The following CRIPT variants were observed in gnomAD, a reference collection of about 807,000 sequenced individuals.
CRIPT encodes CXXC repeat containing interactor of PDZ3 domain.
Under a neutral mutation model 16.6 loss-of-function variants are expected in CRIPT, and 20 were observed. The observed-to-expected ratio is 1.20, with a 90% CI of 0.85 to 1.75. The LOEUF (loss-of-function observed/expected upper bound fraction) is 1.75, where lower values mean the gene tolerates loss of function less well. Ranked by LOEUF, CRIPT falls within the 40% of genes most tolerant of loss-of-function variation. The pLI is 0.00. For synonymous variants in CRIPT, 42 were observed against 37.0 expected, an observed-to-expected ratio of 1.14 and a Z score of -0.49; for missense variants, 133 against 115.3, an observed-to-expected ratio of 1.15 and a Z score of -0.70.
chr2:46,620,099 G>A (rs187939239), intron 3 of CRIPT, among the ~76,000 whole-genome samples: 3 of 152,200 alleles, frequency 2.0e-5, no homozygotes, highest in South Asian at 2.1e-4. Context: ...TGAGAATTGC[G>A]TAAAAAGTGT....
At chr2:46,618,686 T>C (rs1670730271) in intron 1 of CRIPT, 87 bp from the exon 2 acceptor site, 1 of 780,084 alleles carries the variant, frequency 1.3e-6, no homozygotes, top group Non-Finnish European at 2.1e-6. Flanking sequence ...CCATTGATAG[T>C]CGATACCATT....
In CRIPT at chr2:46,617,226, G is replaced by C; in HGVS notation, c.-57G>C. On this transcript the variant is annotated 5_prime_UTR_variant, in exon 1 of 5. Transcript: ENST00000238892. ...AATACTTCCAAGTTGTAGTGTTGTT[G>C]TTTTCAGCCTGCTGCTGCTGCTGCT... 1 of 1,551,256 alleles carries C rather than the reference G, an allele frequency of 6.4e-7. No individual in the cohort carries two copies. The highest frequency in any genetic ancestry group is 8.7e-7 in the Non-Finnish European group (1 of 1,146,924).
In CRIPT at chr2:46,619,627, A is replaced by G. The variant is rs1670756043; in HGVS notation, c.83A>G (p.Glu28Gly). The change falls in exon 3 of 5, where the codon GAA (glutamate) becomes GGA (glycine). Residue 28 changes from glutamate (E) to glycine (G), a missense_variant and splice_region_variant. Transcript: ENST00000238892. ...TWKDGARNTTESGGRKLNENK... is the reference protein window; with the variant it reads ...TWKDGARNTTGSGGRKLNENK... ...TAAAATATCTTTTATTCTGATACAGAAAGTGGTGGAAGAAAGCTGAATGAA... is the reference window on the plus strand; with the variant it reads ...TAAAATATCTTTTATTCTGATACAGGAAGTGGTGGAAGAAAGCTGAATGAA... The G allele has an allele frequency of 1.2e-6, 2 of 1,607,574 alleles. No homozygotes were observed. Among genetic ancestry groups the G allele is most frequent in the East Asian group, 4.5e-5 (2 of 44,676 alleles).
At chr2:46,621,018 C>T (rs947353616) in intron 3 of CRIPT, among the ~76,000 whole-genome samples, 9 of 152,124 alleles carry the variant, frequency 5.9e-5, no homozygotes, top group African/African-American at 2.2e-4. Context: ...CCACCTGCTT[C>T]TGTACATCTC....
In CRIPT at chr2:46,625,019, A is replaced by AAAAG. The variant is rs1670899195; in HGVS notation, c.*796_*799dup. ...TTTTTTACCTCCTGTCTTGCCCCCT[A>AAAAG]AAAGAAATAAATAGAGCAAACATCT... On this transcript the variant is annotated 3_prime_UTR_variant, in exon 5 of 5. Coordinates refer to ENST00000238892, the MANE Select transcript of CRIPT (RefSeq NM_014171.6). 1 of 149,592 alleles carries AAAAG rather than the reference A, an allele frequency of 6.7e-6. No individual in the cohort carries two copies. The highest frequency in any genetic ancestry group is 2.5e-5 in the African/African-American group (1 of 40,234). The allele number at this position is 149,592 out of a possible 1,614,324, so 9.3% of individuals were successfully genotyped here. A position where few individuals can be genotyped will look rare whatever the true frequency, so the allele number is the denominator to read the frequency against.
At position 46,618,840 on chromosome 2, in the gene CRIPT, T is replaced by A; in HGVS notation, c.82+2T>A. 6.3e-7 allele frequency: 1 copy of A among 1,578,236 alleles called. No individual in the cohort carries two copies. The highest frequency in any genetic ancestry group is 8.7e-7 in the Non-Finnish European group (1 of 1,154,126). On this transcript the variant is annotated splice_donor_variant, in intron 2 of 4. Coordinates refer to ENST00000238892, the MANE Select transcript of CRIPT (RefSeq NM_014171.6). LOFTEE classifies it high-confidence loss of function. ...AAGATGGTGCTAGGAATACCACAGG[T>A]ATTTCTTCTTTTAGAAAATAGGAAT...
chr2:46,624,611 CT>C lies in CRIPT; in HGVS notation c.*385del, dbSNP rs1305998268. ...GGCATCCAGAGTTAACATTTCTCCC[CT>C]CACTCCCTTGCTGGTGTCATAGTTA... On this transcript the variant is annotated 3_prime_UTR_variant, in exon 5 of 5. Transcript: ENST00000238892. The C allele has an allele frequency of 6.5e-6, 1 of 154,616 alleles. No homozygotes were observed. Among genetic ancestry groups the C allele is most frequent in the African/African-American group, 2.4e-5 (1 of 41,538 alleles). The allele number at this position is 154,616 out of a possible 1,614,324, so 9.6% of individuals were successfully genotyped here. A position where few individuals can be genotyped will look rare whatever the true frequency, so the allele number is the denominator to read the frequency against.
At position 46,629,887 on chromosome 2, in the gene CRIPT, G is replaced by A. The variant is rs1287415290; in HGVS notation, c.*5660G>A. Among the ~76,000 whole-genome samples the A allele has an allele frequency of 3.3e-5, 5 of 152,074 alleles. No individual in the cohort carries two copies. The highest frequency in any genetic ancestry group is 9.7e-5 in the African/African-American group (4 of 41,392). The stretch of plus-strand genomic sequence containing the variant: ...CCTCCTAGGTTTAGCATCCTTTGAC[G>A]ATTCTTGTCTGAATAAATTTTTACT... On this transcript the variant is annotated 3_prime_UTR_variant, in exon 5 of 5. Transcript: ENST00000238892.
intron 1 of CRIPT, among the ~76,000 whole-genome samples, chr2:46,618,437 ATCACT>A (rs1670721346): frequency 6.6e-6 from 1 of 152,228 alleles, no homozygotes; most frequent in Admixed American, 6.5e-5. Context: ...TGTCTGATTC[ATCACT>A]TCATTTTTCT....
rs1161189931 is a variant in CRIPT at position 46,627,039 on chromosome 2, G to A, written c.*2812G>A. On this transcript the variant is annotated 3_prime_UTR_variant, in exon 5 of 5. Coordinates refer to ENST00000238892, the MANE Select transcript of CRIPT (RefSeq NM_014171.6). ...GTAGAGACAGGGTTTCACCATGTTG[G>A]CCAGCCTGGTCTCGAATTCCTGACC... 6.6e-6 allele frequency among the ~76,000 whole-genome samples: 1 copy of A among 152,140 alleles called. No individual in the cohort carries two copies. The highest frequency in any genetic ancestry group is 1.5e-5 in the Non-Finnish European group (1 of 68,028).
rs1289721976 is a variant in CRIPT, at chr2:46,624,488, C to G, written c.*261C>G. 3.7e-6 allele frequency: 1 copy of G among 267,570 alleles called. No homozygotes were observed. Among genetic ancestry groups the G allele is most frequent in the African/African-American group, 2.2e-5 (1 of 45,428 alleles). The allele number at this position is 267,570 out of a possible 1,614,324, so 16.6% of individuals were successfully genotyped here. On this transcript the variant is annotated 3_prime_UTR_variant, in exon 5 of 5. Coordinates refer to ENST00000238892, the MANE Select transcript of CRIPT (RefSeq NM_014171.6). ...AAAATATTTCTCAGTTCTGTATGCA[C>G]TTTTATTTAACATTATTCATATAAT...
Position 46,624,748 on chromosome 2 carries a change from C to T in CRIPT, c.*521C>T, listed in dbSNP as rs1185071906. 1 of 152,132 alleles carries T rather than the reference C, an allele frequency of 6.6e-6. No individual in the cohort carries two copies. Among genetic ancestry groups the T allele is most frequent in the African/African-American group, 2.4e-5 (1 of 41,430 alleles). 9.4% of individuals were successfully genotyped at this position (152,132 alleles called of 1,614,324 possible). On this transcript the variant is annotated 3_prime_UTR_variant, in exon 5 of 5. Transcript: ENST00000238892. ...ATTAACCTAGACCCAAATCAAAGAC[C>T]AGTTGGATTTATGATATTTTTTATT...
intron 4 of CRIPT, 116 bp from the exon 5 acceptor site, chr2:46,624,047 T>A (rs530360668): frequency 1.6e-4 from 77 of 472,294 alleles, no homozygotes; most frequent in African/African-American, 1.4e-3. Flanking sequence ...ATATATTTTT[T>A]TTTTCTTTTC....
intron 3 of CRIPT, among the ~76,000 whole-genome samples, chr2:46,623,030 C>G (rs867645415): frequency 6.6e-6 from 1 of 151,912 alleles, no homozygotes; most frequent in Non-Finnish European, 1.5e-5. Flanking sequence ...TTTTTCACTC[C>G]TGTCACTATA....
At position 46,630,110 on chromosome 2, in the gene CRIPT, G is replaced by A. The variant is rs190690185; in HGVS notation, c.*5883G>A. On this transcript the variant is annotated 3_prime_UTR_variant, in exon 5 of 5. Coordinates refer to ENST00000238892, the MANE Select transcript of CRIPT (RefSeq NM_014171.6). ...TTAAGTTTGTATTTCCAAAGAACAA[G>A]GGTGTTTTCCTGCATAGCCATAGCA... 6.6e-6 allele frequency among the ~76,000 whole-genome samples: 1 copy of A among 152,116 alleles called. No individual in the cohort carries two copies. Among genetic ancestry groups the A allele is most frequent in the African/African-American group, 2.4e-5 (1 of 41,484 alleles).
chr2:46,623,998 G>A (rs1336895323), intron 4 of CRIPT, 131 bp downstream of exon 4: 22 of 539,810 alleles, frequency 4.1e-5, no homozygotes, highest in Non-Finnish European at 6.2e-5. Context: ...AGGCAAAATA[G>A]AACCTAAAAC....
chr2:46,618,842 TTTC>T lies in CRIPT; in HGVS notation c.82+10_82+12del. 1 of 1,574,492 alleles carries T rather than the reference TTTC, an allele frequency of 6.4e-7. No individual in the cohort carries two copies. Among genetic ancestry groups the T allele is most frequent in the Non-Finnish European group, 8.7e-7 (1 of 1,150,760 alleles). The stretch of plus-strand genomic sequence containing the variant: ...GATGGTGCTAGGAATACCACAGGTA[TTTC>T]TTCTTTTAGAAAATAGGAATTTAAC... On this transcript the variant is annotated splice_donor_5th_base_variant and intron_variant, in intron 2 of 4. Coordinates refer to ENST00000238892, the MANE Select transcript of CRIPT (RefSeq NM_014171.6).
rs893663573 is a variant in CRIPT at position 46,625,510 on chromosome 2, C to G, written c.*1283C>G. ...CCGTGGGAAACCAAAAAAGCATTCCCTATTTCCAACTGCAGTATGTATAAA... is the reference window on the plus strand; with the variant it reads ...CCGTGGGAAACCAAAAAAGCATTCCGTATTTCCAACTGCAGTATGTATAAA... On this transcript the variant is annotated 3_prime_UTR_variant, in exon 5 of 5. Transcript: ENST00000238892. 6.6e-6 allele frequency: 1 copy of G among 150,564 alleles called. No homozygotes were observed. Among genetic ancestry groups the G allele is most frequent in the Non-Finnish European group, 1.5e-5 (1 of 67,824 alleles). The allele number at this position is 150,564 out of a possible 1,614,324, so 9.3% of individuals were successfully genotyped here.
intron 2 of CRIPT, 112 bp from the exon 3 acceptor site, chr2:46,619,515 A>G: frequency 3.2e-6 from 2 of 632,734 alleles, no homozygotes; most frequent in Non-Finnish European, 2.6e-6. Context: ...ATGAGGATTT[A>G]AAAATTAGAT....
Sources: allele counts gnomAD v4.1 joint callset (sites outside exome capture counted in the v4.1 genomes callset), GRCh38; gene constraint gnomAD v4.1.1; transcripts MANE v1.5; gene names NCBI Gene and HGNC (gene_info 2026-07-23, HGNC 2026-07-21).